The following CP variants were observed in gnomAD, a reference collection of about 807,000 sequenced individuals.
The protein encoded by CP is ceruloplasmin.
A neutral mutation model predicts 122.4 loss-of-function variants in CP; 64 were observed. The observed-to-expected ratio is 0.52, with a 90% CI of 0.43 to 0.64. CP has a LOEUF of 0.64. Ranked by LOEUF, CP falls within the 30% of genes least tolerant of loss-of-function variation. CP has a pLI of 0.00. For missense variants in CP, 1,167 were observed against 1,284.4 expected (o/e 0.91, Z 1.40); for synonymous variants, 440 against 436.4 (o/e 1.01, Z -0.10).
At chr3:149,184,655 T>TA (rs1209118182) in intron 12 of CP, among the ~76,000 whole-genome samples, 2 of 138,206 alleles carry the variant, frequency 1.4e-5, no homozygotes, top group Admixed American at 1.4e-4. Flanking sequence ...TCTGAAGCTC[T>TA]AATCATCCTC....
intron 7 of CP, among the ~76,000 whole-genome samples, chr3:149,201,146 C>T (rs1031958519): frequency 2.0e-5 from 3 of 151,438 alleles, no homozygotes; most frequent in South Asian, 2.1e-4. Context: ...GATTTTGAGA[C>T]GGAGTCTCGC....
intron 5 of CP, chr3:149,164,012 T>G: frequency 1.2e-6 from 1 of 852,100 alleles, no homozygotes; most frequent in Non-Finnish European, 2.0e-6. Context: ...AAGATTAAAT[T>G]TGCTGAGACC....
chr3:149,212,506 G>A lies in CP; in HGVS notation c.339C>T (p.Ala113=), dbSNP rs774595574. The change falls in exon 2 of 19, where the codon GCC becomes GCT. Residue 113 remains alanine (A), a synonymous_variant. Transcript: ENST00000264613. ...DKVYVHLKNL[A]SRPYTFHSHG... ...GTGAATGAAAGGTGTAGGGCCTAGAGGCAAGGTTTTTTAAGTGTACATAAA... is the reference window on the plus strand; with the variant it reads ...GTGAATGAAAGGTGTAGGGCCTAGAAGCAAGGTTTTTTAAGTGTACATAAA... 6.2e-7 allele frequency: 1 copy of A among 1,613,930 alleles called. No individual in the cohort carries two copies. The highest frequency in any genetic ancestry group is 1.1e-5 in the South Asian group (1 of 91,060).
downstream of CP, among the ~76,000 whole-genome samples, chr3:149,168,676 AT>A (rs2108189357): frequency 6.6e-6 from 1 of 152,238 alleles, no homozygotes; most frequent in Non-Finnish European, 1.5e-5. Context: ...TTTTCTGAAG[AT>A]CCCCCTTTAA....
intron 1 of CP, among the ~76,000 whole-genome samples, chr3:149,214,583 G>A (rs776409623): frequency 2.6e-5 from 4 of 152,102 alleles, no homozygotes; most frequent in Non-Finnish European, 4.4e-5. Context: ...CAGCCTGTGT[G>A]GAGCAGCAAA....
intron 2 of CP, 83 bp from the exon 3 acceptor site, chr3:149,210,462 G>T: frequency 8.4e-7 from 1 of 1,197,182 alleles, no homozygotes; most frequent in Non-Finnish European, 1.2e-6. Context: ...AATTCATTCA[G>T]CAAACATTTA....
Position 149,178,543 on chromosome 3 carries a change from G to A in CP, c.2750C>T (p.Ala917Val). The A allele has an allele frequency of 6.2e-7, 1 of 1,612,624 alleles. No individual in the cohort carries two copies. Among genetic ancestry groups the A allele is most frequent in the Non-Finnish European group, 8.5e-7 (1 of 1,178,846 alleles). ...VFNPRRKLEFALLFLVFDENE... is the reference protein window; with the variant it reads ...VFNPRRKLEFVLLFLVFDENE... ...CTCATCAAAAACTAGAAACAGAAGG[G>A]CAAATTCCAGTTTCCTTCTGGGATT... Residue 917 changes from alanine to valine, a missense_variant, in exon 16 of 19, where the codon GCC becomes GTC. By Grantham distance (64) the Ala-to-Val change is moderately conservative. This residue lies in a region of CP where 525 missense variants were observed against 657.2 expected (regional missense o/e 0.80). Coordinates refer to ENST00000264613, the MANE Select transcript of CP (RefSeq NM_000096.4).
intron 5 of CP, among the ~76,000 whole-genome samples, chr3:149,163,049 T>C (rs1576696446): frequency 6.6e-6 from 1 of 152,348 alleles, no homozygotes; most frequent in East Asian, 1.9e-4. Flanking sequence ...TGAAGTGGCC[T>C]ACATTTTAAA....
At chr3:149,210,535 G>A (rs890862750) in intron 2 of CP, among the ~76,000 whole-genome samples, 156 bp from the exon 3 acceptor site, 2 of 152,118 alleles carry the variant, frequency 1.3e-5, no homozygotes, top group Non-Finnish European at 2.9e-5. Context: ...GAAAATGAAA[G>A]GCTAATGGCT....
chr3:149,167,782 C>T (rs1724573286), downstream of CP: 2 of 740,204 alleles, frequency 2.7e-6, no homozygotes, highest in Admixed American at 3.9e-5. Flanking sequence ...CTGCCTTAGA[C>T]AAAATGATGT....
At chr3:149,195,853 G>A (rs780200664) in intron 9 of CP, among the ~76,000 whole-genome samples, 5 of 143,610 alleles carry the variant, frequency 3.5e-5, no homozygotes, top group South Asian at 2.2e-4. Context: ...TTGACAGAGC[G>A]AGACACCGTC....
At chr3:149,167,149 A>G in intron 4 of CP, 1 of 1,613,994 alleles carries the variant, frequency 6.2e-7, no homozygotes, top group South Asian at 1.1e-5. Context: ...ACACGCTTGA[A>G]AGAGTATGAA....
chr3:149,188,641 C>A (rs1726348310), intron 9 of CP, among the ~76,000 whole-genome samples: 1 of 151,832 alleles, frequency 6.6e-6, no homozygotes, highest in Non-Finnish European at 1.5e-5. Flanking sequence ...AGAAATCATC[C>A]CAGATGAAGA....
chr3:149,197,860 C>T (rs1379850753), intron 9 of CP, among the ~76,000 whole-genome samples: 1 of 152,206 alleles, frequency 6.6e-6, no homozygotes, highest in Non-Finnish European at 1.5e-5. Flanking sequence ...GCCTGCTGCT[C>T]ACTTCCTGCT....
intron 9 of CP, among the ~76,000 whole-genome samples, chr3:149,192,021 G>A (rs1726577915): frequency 2.6e-5 from 4 of 151,924 alleles, no homozygotes; most frequent in Admixed American, 2.6e-4. Flanking sequence ...ACTACCAATG[G>A]CAGTTTTTTA....
intron 14 of CP, 88 bp from the exon 15 acceptor site, chr3:149,179,750 A>G (rs558000707): frequency 1.3e-6 from 1 of 782,536 alleles, no homozygotes; most frequent in South Asian, 1.7e-5. Context: ...ACACACACAC[A>G]GCCTTGATAA....
rs772908 is a variant in CP at position 149,205,869 on chromosome 3, G to A, written c.1208+299C>T. On this transcript the variant is annotated intron_variant, in intron 6 of 18. Coordinates refer to ENST00000264613, the MANE Select transcript of CP (RefSeq NM_000096.4). ...TAACTGTACTTAATGCTGCTGAATCGTACAGTGCCACGTTTTCTGAAATGG... is the reference window on the plus strand; with the variant it reads ...TAACTGTACTTAATGCTGCTGAATCATACAGTGCCACGTTTTCTGAAATGG... 0.22 allele frequency among the ~76,000 whole-genome samples: 34,063 copies of A among 152,048 alleles called. 4,022 individuals are homozygous for A. The highest frequency in any genetic ancestry group is 0.26 in the South Asian group (1,260 of 4,814).
At chr3:149,207,696 T>C in intron 4 of CP, 79 bp from the exon 5 acceptor site, 1 of 1,497,846 alleles carries the variant, frequency 6.7e-7, no homozygotes, top group Non-Finnish European at 9.3e-7. Flanking sequence ...ATAAATAGAA[T>C]CAATTTGGAA....
At chr3:149,167,983 G>A (rs1162542307), downstream of CP, 3 of 1,506,422 alleles carry the variant, frequency 2.0e-6, no homozygotes, top group East Asian at 2.3e-5. Context: ...ATCATTAAAA[G>A]GTAAAATGAT....
Sources: gnomAD v4.1 joint callset for allele counts (sites outside exome capture counted in the v4.1 genomes callset) on GRCh38, gnomAD v4.1.1 for gene constraint, gnomAD v4.1.1 regional missense constraint, MANE v1.5 for transcripts, NCBI Gene and HGNC (gene_info 2026-07-23, HGNC 2026-07-21) for gene names.